The following PPEF2 variants were observed in gnomAD, a reference collection of about 807,000 sequenced individuals.
PPEF2 encodes the protein protein phosphatase with EF-hand domain 2.
In PPEF2, 84 loss-of-function variants were observed where a neutral mutation model predicts 84.7. The ratio of observed to expected loss-of-function variants is 0.99; its 90% CI spans 0.83 to 1.19. The LOEUF is 1.19. PPEF2 is among the 50% of genes most tolerant of loss of function. PPEF2 has a pLI of 0.00. For synonymous variants in PPEF2, 346 were observed against 345.2 expected (o/e 1.00, Z -0.03); for missense variants, 924 against 937.5 (o/e 0.99, Z 0.19).
chr4:75,871,171 C>T (rs1038438421), intron 13 of PPEF2, among the ~76,000 whole-genome samples: 4 of 152,086 alleles, frequency 2.6e-5, no homozygotes, highest in South Asian at 2.1e-4. Flanking sequence ...CCACCCGCCT[C>T]AGCCTCCCAA....
At chr4:75,896,671 C>T (rs775385692) in intron 1 of PPEF2, among the ~76,000 whole-genome samples, 2 of 152,130 alleles carry the variant, frequency 1.3e-5, no homozygotes, top group Non-Finnish European at 2.9e-5. Flanking sequence ...TCCTATATTC[C>T]TCTAACTGTC....
chr4:75,887,516 G>A (rs189026989), intron 6 of PPEF2, among the ~76,000 whole-genome samples: 36 of 152,164 alleles, frequency 2.4e-4, no homozygotes, highest in Non-Finnish European at 4.7e-4. Context: ...AGCTACTCGG[G>A]AGGCTGAGGC....
intron 2 of PPEF2, among the ~76,000 whole-genome samples, chr4:75,894,148 G>A (rs972982098): frequency 1.3e-5 from 2 of 152,178 alleles, no homozygotes; most frequent in African/African-American, 4.8e-5. Flanking sequence ...TAGGGTATGG[G>A]AGAATAGGTA....
At chr4:75,891,768 C>T in intron 3 of PPEF2, 63 bp from the exon 4 acceptor site, 1 of 1,595,844 alleles carries the variant, frequency 6.3e-7, no homozygotes, top group Non-Finnish European at 8.6e-7. Flanking sequence ...CACAAGTAGT[C>T]CAGTTGGCCT....
In PPEF2 at chr4:75,888,283, T is replaced by C; in HGVS notation, c.463A>G (p.Lys155Glu). The C allele has an allele frequency of 1.2e-6, 2 of 1,614,096 alleles. No homozygotes were observed. The highest frequency in any genetic ancestry group is 8.5e-7 in the Non-Finnish European group (1 of 1,179,976). The change falls in exon 6 of 17, where the codon AAA becomes GAA. Residue 155 changes from lysine to glutamate, a missense_variant. Lys to Glu is a moderately conservative substitution (Grantham distance 56, BLOSUM62 1). Coordinates refer to ENST00000286719, the MANE Select transcript of PPEF2 (RefSeq NM_006239.3). The stretch of plus-strand genomic sequence containing the variant: ...ATGTTTGGCAGCTGTACCAGATGTT[T>C]CTTGGTTTCATACAAAAGGTTCAAG... ...YVLNLLYETK[K>E]HLVQLPNINR...
Position 75,876,656 on chromosome 4 carries a change from C to T in PPEF2, c.951G>A (p.Arg317=), listed in dbSNP as rs1411387859. The change falls in exon 11 of 17, where the codon AGG becomes AGA. Residue 317 remains arginine, a synonymous_variant. Transcript: ENST00000286719. ...IERSKIVSTM[R]CKTRQKSEKQ... Reference sequence around the variant, plus strand: ...TCTCACTCTTCTGTCTCGTTTTGCACCTCATGGTGGAAACTATCTAAACAC... The same window carrying T: ...TCTCACTCTTCTGTCTCGTTTTGCATCTCATGGTGGAAACTATCTAAACAC... The T allele has an allele frequency of 1.3e-6, 2 of 1,554,270 alleles. No individual in the cohort carries two copies. The highest frequency in any genetic ancestry group is 2.3e-5 in the East Asian group (1 of 44,160).
intron 12 of PPEF2, 89 bp from the exon 13 acceptor site, chr4:75,872,256 G>C: frequency 7.8e-7 from 1 of 1,274,378 alleles, no homozygotes; most frequent in Non-Finnish European, 1.1e-6. Context: ...AACTGCAGAA[G>C]CTGCTGTTTC....
chr4:75,892,121 A>G (rs1724905097), intron 2 of PPEF2, 143 bp from the exon 3 acceptor site: 1 of 1,100,648 alleles, frequency 9.1e-7, no homozygotes, highest in South Asian at 1.6e-5. Flanking sequence ...ATTGACGCCC[A>G]TAGGAAGTAT....
chr4:75,875,483 C>T (rs1724385716), intron 11 of PPEF2, among the ~76,000 whole-genome samples: 1 of 152,060 alleles, frequency 6.6e-6, no homozygotes, highest in Non-Finnish European at 1.5e-5. Context: ...GTGGTGCACA[C>T]CGGTAGTCCC....
At chr4:75,893,831 G>GCAGCAGAAGTGGGCAACAC (rs138622633) in intron 2 of PPEF2, among the ~76,000 whole-genome samples, 3,683 of 151,346 alleles carry the variant, frequency 0.024, 155 homozygotes, top group African/African-American at 0.085. Flanking sequence ...GGCTACTCAG[G>GCAGCAGAAGTGGGCAACAC]CAGCAGAAGT....
At chr4:75,879,216 A>G (rs1724504464) in intron 10 of PPEF2, among the ~76,000 whole-genome samples, 1 of 152,002 alleles carries the variant, frequency 6.6e-6, no homozygotes. Flanking sequence ...TTGCCTTGCA[A>G]TGTTCATAAA....
At chr4:75,880,831 C>T (rs1457310632) in intron 10 of PPEF2, among the ~76,000 whole-genome samples, 1 of 141,932 alleles carries the variant, frequency 7.0e-6, no homozygotes, top group Non-Finnish European at 1.5e-5. Flanking sequence ...GACAGAGTCT[C>T]ACTCTGTCGC....
chr4:75,892,361 G>A lies in PPEF2; in HGVS notation c.56-383C>T, dbSNP rs980873541. On this transcript the variant is annotated intron_variant, in intron 2 of 16. Transcript: ENST00000286719. Reference sequence around the variant, plus strand: ...CTGACAGGTTATAATGCGGGGGTGGGGTGGACATTTTGATATTGTGACAAT... The same window carrying A: ...CTGACAGGTTATAATGCGGGGGTGGAGTGGACATTTTGATATTGTGACAAT... 3.3e-5 allele frequency among the ~76,000 whole-genome samples: 5 copies of A among 152,152 alleles called. No individual in the cohort carries two copies. In the South Asian group the frequency reaches 1.0e-3, roughly 32 times the overall value.
chr4:75,891,887 C>T lies in PPEF2; in HGVS notation c.147G>A (p.Gln49=), dbSNP rs1338396029. 5 of 1,614,128 alleles carry T rather than the reference C, an allele frequency of 3.1e-6. No individual in the cohort carries two copies. Among genetic ancestry groups the T allele is most frequent in the Non-Finnish European group, 4.2e-6 (5 of 1,179,994 alleles). ...CTTGCTGCCCAGCATATTCTATAGA[C>T]TGGAAGATGCTCCAGGTGCAACGCC... ...MRRRCTWSIF[Q]SIEYAGQQDQ... Residue 49 remains glutamine (Q), a synonymous_variant, in exon 3 of 17, where the codon CAG becomes CAA. Transcript: ENST00000286719.
At chr4:75,869,776 G>A (rs1033575756) in intron 13 of PPEF2, among the ~76,000 whole-genome samples, 1 of 152,214 alleles carries the variant, frequency 6.6e-6, no homozygotes, top group South Asian at 2.1e-4. Context: ...AAGACTAGCA[G>A]GTCGAGGCTG....
rs201834061 is a variant in PPEF2, at chr4:75,896,334, C to T, written c.-9G>A. On this transcript the variant is annotated 5_prime_UTR_variant, in exon 2 of 17. Transcript: ENST00000286719. ...GAGGTGCCGCTTCCCATAGTTTAAG[C>T]GCAATGCTCCTGCAGGACGCAGCAG... 2.0e-3 allele frequency: 3,197 copies of T among 1,614,070 alleles called. 5 individuals are homozygous for T. The highest frequency in any genetic ancestry group is 2.3e-3 in the Non-Finnish European group (2,673 of 1,179,954).
intron 10 of PPEF2, chr4:75,881,949 C>T (rs1341978149): frequency 6.6e-6 from 1 of 152,142 alleles, no homozygotes; most frequent in Non-Finnish European, 1.5e-5. Flanking sequence ...TGGAACTTCC[C>T]AGGAAAATGT....
intron 2 of PPEF2, among the ~76,000 whole-genome samples, chr4:75,894,726 G>A (rs1244604230): frequency 6.6e-6 from 1 of 152,142 alleles, no homozygotes; most frequent in Non-Finnish European, 1.5e-5. Context: ...CAGGAGCTGG[G>A]GAAGTTTCTG....
At chr4:75,888,452 G>T in intron 5 of PPEF2, 124 bp from the exon 6 acceptor site, 1 of 653,020 alleles carries the variant, frequency 1.5e-6, no homozygotes. Flanking sequence ...CCAGTAAACT[G>T]CTCCTGGGAC....
Sources: gnomAD v4.1 joint callset for allele counts (sites outside exome capture counted in the v4.1 genomes callset) on GRCh38, gnomAD v4.1.1 for gene constraint, MANE v1.5 for transcripts, NCBI Gene and HGNC (gene_info 2026-07-23, HGNC 2026-07-21) for gene names.